NCAM2: variants seen among roughly 807,000 people sequenced by gnomAD.
NCAM2 encodes the protein N-CAM-2.
A neutral mutation model predicts 98.1 loss-of-function variants in NCAM2; 30 were observed. That is an observed-to-expected ratio of 0.31 (90% confidence interval 0.23 to 0.41). NCAM2 has a LOEUF of 0.41. Among genes scored for constraint, NCAM2 ranks in the 10% least tolerant of loss-of-function variants. The pLI is 1.00. For missense variants in NCAM2, 867 were observed against 1,005.8 expected (o/e 0.86, Z 1.87); for synonymous variants, 368 against 342.4 (o/e 1.07, Z -0.83).
chr21:21,198,478 A>T (rs567271538), intron 1 of NCAM2, among the ~76,000 whole-genome samples: 26 of 152,208 alleles, frequency 1.7e-4, no homozygotes, highest in Non-Finnish European at 3.4e-4. Flanking sequence ...GAATGACCTT[A>T]TAGAAAGATG....
intron 9 of NCAM2, among the ~76,000 whole-genome samples, chr21:21,399,237 G>A (rs2076578305): frequency 6.6e-6 from 1 of 152,160 alleles, no homozygotes; most frequent in Admixed American, 6.5e-5. Flanking sequence ...TGCGTATTAT[G>A]AGCGTTATTA....
intron 1 of NCAM2, among the ~76,000 whole-genome samples, chr21:21,256,652 G>T (rs1341306052): frequency 2.0e-5 from 3 of 152,180 alleles, no homozygotes; most frequent in African/African-American, 7.2e-5. Flanking sequence ...CATGAATCCA[G>T]ATACTGAGAT....
chr21:21,404,568 G>A (rs1002186708), intron 9 of NCAM2, among the ~76,000 whole-genome samples: 3 of 151,982 alleles, frequency 2.0e-5, no homozygotes, highest in African/African-American at 7.3e-5. Context: ...AAATTACCCA[G>A]TTTTGAATGT....
chr21:21,096,331 C>A (rs192504750), intron 1 of NCAM2, among the ~76,000 whole-genome samples: 1 of 151,678 alleles, frequency 6.6e-6, no homozygotes. Flanking sequence ...ATACAGACAG[C>A]CCTCACTTTG....
chr21:21,479,036 T>C (rs943332291), intron 15 of NCAM2, among the ~76,000 whole-genome samples: 1 of 152,172 alleles, frequency 6.6e-6, no homozygotes, highest in African/African-American at 2.4e-5. Flanking sequence ...GCTATACGTA[T>C]TCCCATACTG....
intron 1 of NCAM2, among the ~76,000 whole-genome samples, chr21:21,029,056 A>G (rs2146213668): frequency 6.6e-6 from 1 of 152,352 alleles, no homozygotes; most frequent in Middle Eastern, 3.4e-3. Context: ...CTTAGAATGA[A>G]ATGAGTAACA....
intron 1 of NCAM2, among the ~76,000 whole-genome samples, chr21:21,029,020 G>A (rs1014307391): frequency 6.6e-6 from 1 of 152,276 alleles, no homozygotes; most frequent in South Asian, 2.1e-4. Flanking sequence ...AAACAGAGCC[G>A]TTTTTAAACT....
In NCAM2 at chr21:21,097,571, T is replaced by G. The variant is rs370295571; in HGVS notation, c.55+98953T>G. Among the ~76,000 whole-genome samples the G allele has an allele frequency of 5.9e-5, 9 of 151,722 alleles. No homozygotes were observed. The East Asian group carries it at 1.2e-3, about 20-fold the overall frequency. ...CTATATTTTATAACTGCATAAAAAT[T>G]TCAATAAATGGTCCTATTTACACTG... On this transcript the variant is annotated intron_variant, in intron 1 of 17. Coordinates refer to ENST00000400546, the MANE Select transcript of NCAM2 (RefSeq NM_004540.5).
chr21:21,389,253 C>CG (rs2076331596), intron 9 of NCAM2, among the ~76,000 whole-genome samples: 2 of 152,034 alleles, frequency 1.3e-5, no homozygotes, highest in African/African-American at 4.8e-5. Context: ...AGTGTGTGCA[C>CG]GGGAATTCCC....
chr21:21,429,121 G>A (rs868546794), intron 11 of NCAM2, among the ~76,000 whole-genome samples: 1 of 152,034 alleles, frequency 6.6e-6, no homozygotes, highest in Non-Finnish European at 1.5e-5. Flanking sequence ...AGAAATAAGA[G>A]GCCAGTGGAA....
rs577929843 is a variant in NCAM2 at position 21,295,491 on chromosome 21, A to G, written c.619+3250A>G. Reference sequence around the variant, plus strand: ...GGCGCCTCCAAAGGAAGGATTATGCATCTTCACCCAGTCGATCATGTGACT... The same window carrying G: ...GGCGCCTCCAAAGGAAGGATTATGCGTCTTCACCCAGTCGATCATGTGACT... On this transcript the variant is annotated intron_variant, in intron 5 of 17. Coordinates refer to ENST00000400546, the MANE Select transcript of NCAM2 (RefSeq NM_004540.5). Among the ~76,000 whole-genome samples, 3 of 152,014 alleles carry G rather than the reference A, an allele frequency of 2.0e-5. No individual in the cohort carries two copies. The South Asian group carries it at 6.2e-4, about 31-fold the overall frequency.
chr21:21,043,874 A>G (rs1022620448), intron 1 of NCAM2, among the ~76,000 whole-genome samples: 7 of 151,674 alleles, frequency 4.6e-5, no homozygotes, highest in African/African-American at 1.7e-4. Context: ...AAAAGAAAAA[A>G]GAAAGTAGAT....
At chr21:21,283,092 A>G (rs944538672) in intron 2 of NCAM2, among the ~76,000 whole-genome samples, 2 of 151,972 alleles carry the variant, frequency 1.3e-5, no homozygotes, top group Non-Finnish European at 2.9e-5. Flanking sequence ...ACTCTGTAAC[A>G]ACTATGGTTT....
chr21:21,229,068 TAATG>T (rs2070510428), intron 1 of NCAM2, among the ~76,000 whole-genome samples: 1 of 151,568 alleles, frequency 6.6e-6, no homozygotes, highest in African/African-American at 2.4e-5. Flanking sequence ...AGATTAATAA[TAATG>T]GTGGACATTT....
chr21:21,065,040 C>G (rs1326523363), intron 1 of NCAM2, among the ~76,000 whole-genome samples: 1 of 151,894 alleles, frequency 6.6e-6, no homozygotes, highest in African/African-American at 2.4e-5. Flanking sequence ...ATTAGCCAGG[C>G]CTGATAGTGC....
intron 16 of NCAM2, among the ~76,000 whole-genome samples, chr21:21,524,391 C>T (rs1384565077): frequency 8.1e-5 from 12 of 148,866 alleles, no homozygotes; most frequent in Non-Finnish European, 1.5e-5. Context: ...GAGACTTTAA[C>T]GCTGCCCTAT....
chr21:21,116,834 G>A (rs958377043), intron 1 of NCAM2, among the ~76,000 whole-genome samples: 4 of 150,866 alleles, frequency 2.7e-5, no homozygotes, highest in African/African-American at 7.3e-5. Flanking sequence ...CAGCCTGGGC[G>A]ACAGAGCCAG....
chr21:21,351,549 G>A (rs1170577710), intron 8 of NCAM2, among the ~76,000 whole-genome samples: 2 of 152,002 alleles, frequency 1.3e-5, no homozygotes, highest in Non-Finnish European at 2.9e-5. Context: ...TACATACTAA[G>A]CAATATATTG....
chr21:21,458,306 A>G (rs562610032), intron 12 of NCAM2, among the ~76,000 whole-genome samples: 1 of 152,354 alleles, frequency 6.6e-6, no homozygotes, highest in Non-Finnish European at 1.5e-5. Context: ...ACCAGGGCAC[A>G]ATGTGCCCCC....
Sources: allele counts gnomAD v4.1 joint callset (sites outside exome capture counted in the v4.1 genomes callset), GRCh38; gene constraint gnomAD v4.1.1; transcripts MANE v1.5; gene names NCBI Gene and HGNC (gene_info 2026-07-23, HGNC 2026-07-21).